Variants in BEND3 observed in about 807,000 individuals in gnomAD.
The protein encoded by BEND3 is BEN domain containing 3.
A neutral mutation model predicts 60.1 loss-of-function variants in BEND3; 13 were observed. The ratio of observed to expected loss-of-function variants is 0.22; its 90% CI spans 0.14 to 0.34. The LOEUF (loss-of-function observed/expected upper bound fraction) is 0.34. Among genes scored for constraint, BEND3 ranks in the 10% least tolerant of loss-of-function variants. BEND3 has a pLI of 1.00. For synonymous variants in BEND3, 497 were observed against 491.5 expected (o/e 1.01, Z -0.15); for missense variants, 896 against 1,138.1 (o/e 0.79, Z 3.06).
intron 3 of BEND3, 125 bp from the exon 4 acceptor site, chr6:107,071,075 C>T: frequency 2.4e-6 from 2 of 841,506 alleles, no homozygotes; most frequent in Non-Finnish European, 3.6e-6. Flanking sequence ...ACTGATTCCT[C>T]ACCCTGAATC....
chr6:107,098,557 G>T lies in BEND3; in HGVS notation c.234C>A (p.Ile78=), dbSNP rs782814285. ...SVPGVKRRRL[I]PEALLAGMRN... ...ACAGCAGCTAGGCCCTCACCTCGGGGATCAGCCGCCTCCTCTTCACGCCGG... is the reference window on the plus strand; with the variant it reads ...ACAGCAGCTAGGCCCTCACCTCGGGTATCAGCCGCCTCCTCTTCACGCCGG... The change falls in exon 3 of 4, where the codon ATC becomes ATA. Residue 78 remains isoleucine (I), a synonymous_variant. Coordinates refer to ENST00000369042, the MANE Select transcript of BEND3 (RefSeq NM_001367314.1). The T allele has an allele frequency of 3.7e-6, 6 of 1,612,276 alleles. No homozygotes were observed. In the East Asian group the frequency reaches 8.9e-5, roughly 24 times the overall value.
At chr6:107,091,720 A>G (rs1562310038) in intron 3 of BEND3, among the ~76,000 whole-genome samples, 1 of 152,192 alleles carries the variant, frequency 6.6e-6, no homozygotes, top group Non-Finnish European at 1.5e-5. Flanking sequence ...ATTTTACCAA[A>G]CATTTAAGGG....
Position 107,070,033 on chromosome 6 carries a change from G to T in BEND3, c.1158C>A (p.Ile386=), listed in dbSNP as rs782431669. ...GCGTGTCCACCACGTGGTCTGAGGCGATGGTGCTGCTCCGGTCAAGAGACA... is the reference window on the plus strand; with the variant it reads ...GCGTGTCCACCACGTGGTCTGAGGCTATGGTGCTGCTCCGGTCAAGAGACA... ...EALSLDRSST[I]ASDHVVDTQD... The change falls in exon 4 of 4, where the codon ATC becomes ATA. Residue 386 remains isoleucine (I), a synonymous_variant. Coordinates refer to ENST00000369042, the MANE Select transcript of BEND3 (RefSeq NM_001367314.1). The surrounding 1 kb of genome is among the most constrained non-coding windows in gnomAD (Gnocchi z 6.9). 1 of 1,613,792 alleles carries T rather than the reference G, an allele frequency of 6.2e-7. No homozygotes were observed. The highest frequency in any genetic ancestry group is 8.5e-7 in the Non-Finnish European group (1 of 1,180,036).
At chr6:107,104,428 C>T (rs1326775667) in intron 1 of BEND3, among the ~76,000 whole-genome samples, 1 of 151,920 alleles carries the variant, frequency 6.6e-6, no homozygotes, top group Non-Finnish European at 1.5e-5. Flanking sequence ...CATTTTTTAC[C>T]AGGTAATATA....
Position 107,070,450 on chromosome 6 carries a change from C to G in BEND3, c.741G>C (p.Gln247His). Reference protein sequence around the residue: ...VAKFQPPPEYQLTAAELKQIV... With the variant: ...VAKFQPPPEYHLTAAELKQIV... ...TCTGCTTGAGCTCTGCGGCTGTGAG[C>G]TGGTACTCAGGGGGCGGCTGGAATT... The change falls in exon 4 of 4, where the codon CAG (glutamine) becomes CAC (histidine). Residue 247 changes from glutamine to histidine, a missense_variant. Coordinates refer to ENST00000369042, the MANE Select transcript of BEND3 (RefSeq NM_001367314.1). The surrounding 1 kb of genome is among the most constrained non-coding windows in gnomAD (Gnocchi z 6.9). The G allele has an allele frequency of 6.2e-7, 1 of 1,614,144 alleles. No individual in the cohort carries two copies. The highest frequency in any genetic ancestry group is 8.5e-7 in the Non-Finnish European group (1 of 1,180,026).
At chr6:107,074,337 C>G (rs1295921441) in intron 3 of BEND3, among the ~76,000 whole-genome samples, 2 of 152,074 alleles carry the variant, frequency 1.3e-5, no homozygotes, top group African/African-American at 4.8e-5. Flanking sequence ...ACTGCTTGAA[C>G]CTGGGAGGCG....
At chr6:107,083,481 A>C (rs962523902) in intron 3 of BEND3, among the ~76,000 whole-genome samples, 1 of 151,838 alleles carries the variant, frequency 6.6e-6, no homozygotes, top group South Asian at 2.1e-4. Flanking sequence ...AACCCCCAAA[A>C]ACAAAATTAC....
intron 3 of BEND3, among the ~76,000 whole-genome samples, chr6:107,097,321 C>A (rs1214824569): frequency 6.7e-6 from 1 of 148,316 alleles, no homozygotes; most frequent in African/African-American, 2.5e-5. Flanking sequence ...AAGCCAAGAT[C>A]GCGCCATTGC....
At position 107,110,262 on chromosome 6, in the gene BEND3, TCA is replaced by T. The variant is rs1554238186; in HGVS notation, c.-12+4826_-12+4827del. On this transcript the variant is annotated intron_variant, in intron 1 of 3. Transcript: ENST00000369042. ...TGTAAAAGTGGTTTTCATACAAAAT[TCA>T]CAGACTAACATGCCAAGCATTCACT... Among the ~76,000 whole-genome samples the T allele has an allele frequency of 6.6e-5, 10 of 152,270 alleles. No individual in the cohort carries two copies. The South Asian group carries it at 2.1e-3, about 32-fold the overall frequency.
At chr6:107,097,547 T>C (rs373827694) in intron 3 of BEND3, among the ~76,000 whole-genome samples, 27 of 151,854 alleles carry the variant, frequency 1.8e-4, no homozygotes, top group African/African-American at 6.0e-4. Context: ...TCCCAGCACT[T>C]TGGGAGGCCA....
At chr6:107,079,562 T>A (rs1554233226) in intron 3 of BEND3, among the ~76,000 whole-genome samples, 1 of 152,162 alleles carries the variant, frequency 6.6e-6, no homozygotes, top group Non-Finnish European at 1.5e-5. Flanking sequence ...GCCTGACTGG[T>A]CTGTATGCCC....
chr6:107,069,420 G>C lies in BEND3; in HGVS notation c.1771C>G (p.Leu591Val), dbSNP rs782730460. 6.2e-7 allele frequency: 1 copy of C among 1,612,694 alleles called. No individual in the cohort carries two copies. Among genetic ancestry groups the C allele is most frequent in the South Asian group, 1.1e-5 (1 of 91,074 alleles). The change falls in exon 4 of 4, where the codon CTG becomes GTG. Residue 591 changes from leucine to valine, a missense_variant. Leu to Val is a conservative substitution (Grantham distance 32). Around this residue, in one of 4 missense-constraint regions of BEND3, gnomAD observed 846 missense variants for 1,036.7 expected, o/e 0.82. Coordinates refer to ENST00000369042, the MANE Select transcript of BEND3 (RefSeq NM_001367314.1). ...CCGCTGCAGTTGTACTGCTTGCGCAGGTTCTCGTGCGTGAAGAGCTCGGGG... is the reference window on the plus strand; with the variant it reads ...CCGCTGCAGTTGTACTGCTTGCGCACGTTCTCGTGCGTGAAGAGCTCGGGG... ...LFPELFTHEN[L>V]RKQYNCSGSL...
chr6:107,113,101 CGAG>C (rs1554238738), intron 1 of BEND3, among the ~76,000 whole-genome samples: 1 of 150,258 alleles, frequency 6.7e-6, no homozygotes, highest in Non-Finnish European at 1.5e-5. Context: ...GAAGTTGCAG[CGAG>C]AAGAGATCAC....
At chr6:107,099,674 T>C (rs1458240281) in intron 1 of BEND3, among the ~76,000 whole-genome samples, 1 of 152,094 alleles carries the variant, frequency 6.6e-6, no homozygotes, top group Non-Finnish European at 1.5e-5. Flanking sequence ...GGCTGAAGGA[T>C]GGGGGCCATG....
At chr6:107,100,956 C>A (rs962171355) in intron 1 of BEND3, among the ~76,000 whole-genome samples, 2 of 152,100 alleles carry the variant, frequency 1.3e-5, no homozygotes, top group Non-Finnish European at 2.9e-5. Context: ...AATCCCAGCA[C>A]TTTGGGAGGC....
chr6:107,069,701 T>G lies in BEND3; in HGVS notation c.1490A>C (p.Asp497Ala). The G allele has an allele frequency of 6.2e-7, 1 of 1,610,276 alleles. No individual in the cohort carries two copies. The highest frequency in any genetic ancestry group is 8.5e-7 in the Non-Finnish European group (1 of 1,179,986). The change falls in exon 4 of 4, where the codon GAC (aspartate) becomes GCC (alanine). Residue 497 changes from aspartate to alanine, a missense_variant. This residue lies in a region of BEND3 where 846 missense variants were observed against 1,036.7 expected (regional missense o/e 0.82). Transcript: ENST00000369042. Reference protein sequence around the residue: ...AGSEGDPPRDDCYDSSSLPDD... With the variant: ...AGSEGDPPRDACYDSSSLPDD... The stretch of plus-strand genomic sequence containing the variant: ...GGGCAGACTGGAGGAGTCGTAGCAG[T>G]CATCACGCGGGGGGTCGCCTTCACT...
Position 107,069,925 on chromosome 6 carries a change from G to C in BEND3, c.1266C>G (p.Leu422=). ...VFLLHRLFPE[L]FDHRKLGEQY... The stretch of plus-strand genomic sequence containing the variant: ...GTTCACCCAGCTTGCGGTGGTCGAA[G>C]AGCTCGGGGAAGAGCCGGTGGAGGA... The change falls in exon 4 of 4, where the codon CTC becomes CTG. Residue 422 remains leucine (L), a synonymous_variant. Transcript: ENST00000369042. 6.2e-7 allele frequency: 1 copy of C among 1,613,958 alleles called. No individual in the cohort carries two copies. Among genetic ancestry groups the C allele is most frequent in the South Asian group, 1.1e-5 (1 of 91,086 alleles).
chr6:107,081,778 CA>C (rs782779962), intron 3 of BEND3, among the ~76,000 whole-genome samples: 949 of 132,130 alleles, frequency 7.2e-3, no homozygotes, highest in African/African-American at 0.013. Flanking sequence ...GACCCTGTCT[CA>C]AAAAAAAAAA....
chr6:107,106,123 C>T (rs1554237446), intron 1 of BEND3: 1 of 152,236 alleles, frequency 6.6e-6, no homozygotes, highest in Admixed American at 6.5e-5. Flanking sequence ...TTTCAAGGAA[C>T]TTCTCTGCTA....
Sources: allele counts gnomAD v4.1 joint callset (sites outside exome capture counted in the v4.1 genomes callset), GRCh38; gene constraint gnomAD v4.1.1; regional missense constraint gnomAD v4.1.1; non-coding constraint Gnocchi (gnomAD v3.1); transcripts MANE v1.5; gene names NCBI Gene and HGNC (gene_info 2026-07-23, HGNC 2026-07-21).